SH3TC2: variants seen among roughly 807,000 people sequenced by gnomAD.
The protein encoded by SH3TC2 is SH3 domain and tetratricopeptide repeat-containing protein 2.
Under a neutral mutation model 124.5 loss-of-function variants are expected in SH3TC2, and 87 were observed. That is an observed-to-expected ratio of 0.70 (90% CI 0.59 to 0.84). The LOEUF (loss-of-function observed/expected upper bound fraction) is 0.84, where lower values mean the gene tolerates loss of function less well. SH3TC2 is among the 40% of genes least tolerant of loss of function. The pLI is 0.00. For synonymous variants in SH3TC2, 634 were observed against 628.5 expected (o/e 1.01, Z -0.13); for missense variants, 1,536 against 1,566.4 (o/e 0.98, Z 0.33).
rs1044462309 is a variant in SH3TC2 at position 148,988,213 on chromosome 5, G to C, written c.*16498C>G. Among the ~76,000 whole-genome samples, 1 of 152,130 alleles carries C rather than the reference G, an allele frequency of 6.6e-6. No individual in the cohort carries two copies. The highest frequency in any genetic ancestry group is 1.5e-5 in the Non-Finnish European group (1 of 68,022). On this transcript the variant is annotated 3_prime_UTR_variant, in exon 17 of 17. Coordinates refer to ENST00000515425, the MANE Select transcript of SH3TC2 (RefSeq NM_024577.4). ...GATTTTATGAAAAGTGGGTAACAAAGCATCTTTACTCCTTCTCCCATGGAC... is the reference window on the plus strand; with the variant it reads ...GATTTTATGAAAAGTGGGTAACAAACCATCTTTACTCCTTCTCCCATGGAC...
rs779165132 is a variant in SH3TC2 at position 149,052,091 on chromosome 5, A to G, written c.151+51T>C. The stretch of plus-strand genomic sequence containing the variant: ...TTTAGATGGGAAAGATAAAGAGGTT[A>G]TCGCAATACTCAACATGGAAGAATA... On this transcript the variant is annotated intron_variant, in intron 2 of 16. Transcript: ENST00000515425. 8.8e-6 allele frequency: 11 copies of G among 1,250,752 alleles called. No homozygotes were observed. The East Asian group carries it at 2.5e-4, about 29-fold the overall frequency. The allele number at this position is 1,250,752 out of a possible 1,614,324, so 77.5% of individuals were successfully genotyped here.
intron 1 of SH3TC2, among the ~76,000 whole-genome samples, chr5:149,054,643 T>A (rs1438298540): frequency 6.6e-6 from 1 of 152,210 alleles, no homozygotes; most frequent in African/African-American, 2.4e-5. Context: ...ATAACCCAGA[T>A]GCTTGAGTTT....
At chr5:149,030,879 C>T (rs1342868553) in intron 9 of SH3TC2, among the ~76,000 whole-genome samples, 1 of 152,228 alleles carries the variant, frequency 6.6e-6, no homozygotes, top group African/African-American at 2.4e-5. Flanking sequence ...CCCTGACACA[C>T]AACAGTAGGC....
At position 149,001,789 on chromosome 5, in the gene SH3TC2, G is replaced by A. The variant is rs1753602318; in HGVS notation, c.*2922C>T. ...ATCAGATTTATAGGTAAATCAAAGT[G>A]CACAGAATTGGGAAATTTTAGCTAA... On this transcript the variant is annotated 3_prime_UTR_variant, in exon 17 of 17. Transcript: ENST00000515425. The A allele has an allele frequency of 6.6e-6, 1 of 152,114 alleles. No individual in the cohort carries two copies. Among genetic ancestry groups the A allele is most frequent in the Admixed American group, 6.5e-5 (1 of 15,284 alleles). 9.4% of individuals were successfully genotyped at this position (152,114 alleles called of 1,614,324 possible). A position where few individuals can be genotyped will look rare whatever the true frequency, so the allele number is the denominator to read the frequency against.
rs182759223 is a variant in SH3TC2, at chr5:148,987,717, T to C, written c.*16994A>G. On this transcript the variant is annotated 3_prime_UTR_variant, in exon 17 of 17. Coordinates refer to ENST00000515425, the MANE Select transcript of SH3TC2 (RefSeq NM_024577.4). ...TCAGTGAAGATCATCAGATTAAGAC[T>C]GAGAAGAACAAAGCTGTGGTCACTC... 7.6e-4 allele frequency among the ~76,000 whole-genome samples: 115 copies of C among 151,954 alleles called. No homozygotes were observed. Among genetic ancestry groups the C allele is most frequent in the African/African-American group, 2.6e-3 (107 of 41,452 alleles).
rs1303087558 is a variant in SH3TC2, at chr5:148,999,954, CT to C, written c.*4756del. Among the ~76,000 whole-genome samples the C allele has an allele frequency of 2.0e-5, 3 of 152,102 alleles. No individual in the cohort carries two copies. The highest frequency in any genetic ancestry group is 1.3e-4 in the Admixed American group (2 of 15,276). On this transcript the variant is annotated 3_prime_UTR_variant, in exon 17 of 17. Transcript: ENST00000515425. ...ATCACCCCCTGTCCACCCTCTGGAC[CT>C]TTGCTTGACACATGCACTGTCTGTC...
At position 149,003,907 on chromosome 5, in the gene SH3TC2, C is replaced by T. The variant is rs889593898; in HGVS notation, c.*804G>A. ...GGTATTCTCTCCCATCCATCAAGTC[C>T]TCCATCTCATCTGCCCCCATTGTGG... On this transcript the variant is annotated 3_prime_UTR_variant, in exon 17 of 17. Transcript: ENST00000515425. The T allele has an allele frequency of 3.0e-6, 1 of 334,130 alleles. No homozygotes were observed. Among genetic ancestry groups the T allele is most frequent in the African/African-American group, 2.2e-5 (1 of 45,690 alleles). The allele number at this position is 334,130 out of a possible 1,614,324, so 20.7% of individuals were successfully genotyped here. A position where few individuals can be genotyped will look rare whatever the true frequency, so the allele number is the denominator to read the frequency against.
At chr5:149,039,472 T>C (rs1754333798) in intron 7 of SH3TC2, among the ~76,000 whole-genome samples, 1 of 152,224 alleles carries the variant, frequency 6.6e-6, no homozygotes, top group African/African-American at 2.4e-5. Context: ...TGCTTTAGCT[T>C]CTCTGCTAAA....
At chr5:149,014,643 G>A (rs942098288) in intron 12 of SH3TC2, among the ~76,000 whole-genome samples, 25 of 152,126 alleles carry the variant, frequency 1.6e-4, no homozygotes, top group African/African-American at 5.1e-4. Flanking sequence ...CCCAATGGGC[G>A]CTGGCCACTC....
chr5:149,034,974 A>G (rs1426740895), intron 8 of SH3TC2, among the ~76,000 whole-genome samples: 1 of 152,218 alleles, frequency 6.6e-6, no homozygotes, highest in African/African-American at 2.4e-5. Flanking sequence ...AGACAGGCCA[A>G]GACTCAGGAC....
intron 16 of SH3TC2, among the ~76,000 whole-genome samples, chr5:149,005,858 AG>A (rs570494982): frequency 4.5e-4 from 68 of 152,298 alleles, no homozygotes; most frequent in Middle Eastern, 3.4e-3. Flanking sequence ...GTTGTGCTTC[AG>A]GGGACAGGGA....
chr5:149,038,422 C>G lies in SH3TC2; in HGVS notation c.874G>C (p.Gly292Arg). ...GEKDELNFYQGESIEIIGFVI... is the reference protein window; with the variant it reads ...GEKDELNFYQRESIEIIGFVI... The stretch of plus-strand genomic sequence containing the variant: ...AAGCCGATGATCTCAATGCTTTCTC[C>G]CTGGTAGAAATTCAGTTCATCCTTT... Residue 292 changes from glycine to arginine, a missense_variant, in exon 8 of 17, where the codon GGA (glycine) becomes CGA (arginine). Gly to Arg is a moderately radical substitution (Grantham distance 125). This residue lies in a region of SH3TC2 where 1,102 missense variants were observed against 1,098.6 expected (regional missense o/e 1.00). Coordinates refer to ENST00000515425, the MANE Select transcript of SH3TC2 (RefSeq NM_024577.4). 1.9e-6 allele frequency: 3 copies of G among 1,614,154 alleles called. No homozygotes were observed. Among genetic ancestry groups the G allele is most frequent in the Non-Finnish European group, 1.7e-6 (2 of 1,180,016 alleles).
At chr5:149,057,052 T>C (rs757843977) in intron 1 of SH3TC2, among the ~76,000 whole-genome samples, 5 of 152,216 alleles carry the variant, frequency 3.3e-5, no homozygotes, top group Admixed American at 6.5e-5. Flanking sequence ...CACATTTAAA[T>C]ATTATTTAAC....
rs374641148 is a variant in SH3TC2 at position 149,048,597 on chromosome 5, C to T, written c.152-608G>A. Among the ~76,000 whole-genome samples the T allele has an allele frequency of 3.3e-5, 5 of 152,200 alleles. No individual in the cohort carries two copies. In the East Asian group the frequency reaches 9.6e-4, roughly 29 times the overall value. Reference sequence around the variant, plus strand: ...AAAATGTACATTCATGTAACAGATACTTATCAAGAGCTTTCTATAAGCCAG... The same window carrying T: ...AAAATGTACATTCATGTAACAGATATTTATCAAGAGCTTTCTATAAGCCAG... On this transcript the variant is annotated intron_variant, in intron 2 of 16. Transcript: ENST00000515425.
intron 2 of SH3TC2, among the ~76,000 whole-genome samples, chr5:149,050,660 C>T (rs1170955295): frequency 6.6e-6 from 1 of 152,140 alleles, no homozygotes; most frequent in Non-Finnish European, 1.5e-5. Context: ...CAAAGTTTTT[C>T]TCATTGTCAA....
At chr5:149,016,016 A>G (rs1490188442) in intron 12 of SH3TC2, among the ~76,000 whole-genome samples, 2 of 152,150 alleles carry the variant, frequency 1.3e-5, no homozygotes, top group African/African-American at 2.4e-5. Flanking sequence ...TTTCCTGCAC[A>G]TTTCTAAAGC....
In SH3TC2 at chr5:149,000,377, C is replaced by T. The variant is rs1488389980; in HGVS notation, c.*4334G>A. On this transcript the variant is annotated 3_prime_UTR_variant, in exon 17 of 17. Coordinates refer to ENST00000515425, the MANE Select transcript of SH3TC2 (RefSeq NM_024577.4). ...CACTCTCTGCCACTTATTAATCTCT[C>T]TGTTTTCAAACAATGCCAGATAAGG... 2.0e-5 allele frequency among the ~76,000 whole-genome samples: 3 copies of T among 152,180 alleles called. No individual in the cohort carries two copies. The highest frequency in any genetic ancestry group is 4.4e-5 in the Non-Finnish European group (3 of 68,030).
intron 12 of SH3TC2, among the ~76,000 whole-genome samples, chr5:149,022,730 C>T (rs1394851599): frequency 3.3e-5 from 5 of 152,198 alleles, no homozygotes; most frequent in African/African-American, 1.2e-4. Context: ...AGTATTGATA[C>T]ATGTGACAAC....
Position 148,991,017 on chromosome 5 carries a change from C to T in SH3TC2, c.*13694G>A, listed in dbSNP as rs1236712277. On this transcript the variant is annotated 3_prime_UTR_variant, in exon 17 of 17. Coordinates refer to ENST00000515425, the MANE Select transcript of SH3TC2 (RefSeq NM_024577.4). ...AGCCAAGTTCACAAACTTCATTTCC[C>T]AAAACCCAGAATTAGATCACTTGTT... Among the ~76,000 whole-genome samples the T allele has an allele frequency of 6.6e-6, 1 of 152,144 alleles. No individual in the cohort carries two copies. Among genetic ancestry groups the T allele is most frequent in the Non-Finnish European group, 1.5e-5 (1 of 68,036 alleles).
Sources: allele counts gnomAD v4.1 joint callset (sites outside exome capture counted in the v4.1 genomes callset), GRCh38; gene constraint gnomAD v4.1.1; regional missense constraint gnomAD v4.1.1; transcripts MANE v1.5; gene names NCBI Gene and HGNC (gene_info 2026-07-23, HGNC 2026-07-21).